Variants in UPP2 observed in about 807,000 individuals in gnomAD.
UPP2 encodes uridine phosphorylase 2, also known as UPase 2.
UPP2 carries 23 observed loss-of-function variants against 26.7 expected under a neutral mutation model. The ratio of observed to expected loss-of-function variants is 0.86; its 90% CI spans 0.62 to 1.22. The LOEUF is 1.22. Among genes scored for constraint, UPP2 ranks in the 50% most tolerant of loss-of-function variants. The pLI, the probability that UPP2 is intolerant of heterozygous loss-of-function variation, is 0.00. For missense variants in UPP2, 387 were observed against 396.7 expected, an observed-to-expected ratio of 0.98 and a Z score of 0.21; for synonymous variants, 127 against 141.3, an observed-to-expected ratio of 0.90 and a Z score of 0.72.
chr2:158,018,557 G>A (rs1339020232), intron 3 of UPP2, among the ~76,000 whole-genome samples: 1 of 152,200 alleles, frequency 6.6e-6, no homozygotes, highest in Non-Finnish European at 1.5e-5. Context: ...TGCAAGGCTG[G>A]AAGGCAGGTG....
intron 3 of UPP2, among the ~76,000 whole-genome samples, chr2:158,051,961 GCTGT>G (rs1682166730): frequency 6.6e-6 from 1 of 152,154 alleles, no homozygotes; most frequent in Non-Finnish European, 1.5e-5. Context: ...GAAATCCAAT[GCTGT>G]CTGTCCTAAC....
intron 3 of UPP2, among the ~76,000 whole-genome samples, chr2:158,033,139 C>T (rs1179948083): frequency 6.6e-6 from 1 of 152,134 alleles, no homozygotes; most frequent in African/African-American, 2.4e-5. Flanking sequence ...AAATTCTGGC[C>T]TGAAGCATAC....
intron 3 of UPP2, among the ~76,000 whole-genome samples, chr2:158,017,903 A>G (rs543642338): frequency 6.6e-6 from 1 of 152,340 alleles, no homozygotes; most frequent in East Asian, 1.9e-4. Context: ...TTAAGCTTAT[A>G]TACTTTGAAA....
intron 3 of UPP2, among the ~76,000 whole-genome samples, chr2:158,058,474 C>A (rs949145137): frequency 7.0e-6 from 1 of 142,120 alleles, no homozygotes; most frequent in Non-Finnish European, 1.5e-5. Flanking sequence ...GAGGAAAGGA[C>A]GTGTGAGGAC....
At chr2:158,121,381 T>C in intron 4 of UPP2, 28 bp from the exon 5 acceptor site, 1 of 1,582,686 alleles carries the variant, frequency 6.3e-7, no homozygotes, top group Non-Finnish European at 8.7e-7. Flanking sequence ...ACGATATTCT[T>C]CTGTAATCAT....
chr2:158,028,569 C>T (rs1415311098), intron 3 of UPP2, among the ~76,000 whole-genome samples: 1 of 152,176 alleles, frequency 6.6e-6, no homozygotes, highest in Admixed American at 6.5e-5. Context: ...CAATCTGTTC[C>T]AACCTCTGCA....
chr2:158,010,622 A>G (rs1485372009), intron 2 of UPP2, among the ~76,000 whole-genome samples: 1 of 152,230 alleles, frequency 6.6e-6, no homozygotes, highest in Non-Finnish European at 1.5e-5. Flanking sequence ...TAAAAGGCCA[A>G]AAACTGGTGA....
chr2:158,007,779 T>C (rs553128436), intron 2 of UPP2, among the ~76,000 whole-genome samples: 1 of 152,050 alleles, frequency 6.6e-6, no homozygotes, highest in South Asian at 2.1e-4. Context: ...CACCACCACA[T>C]CTGGCTAGAG....
At chr2:158,078,466 C>T (rs531718313) in intron 3 of UPP2, among the ~76,000 whole-genome samples, 1 of 152,220 alleles carries the variant, frequency 6.6e-6, no homozygotes, top group African/African-American at 2.4e-5. Flanking sequence ...AGAATAAGAG[C>T]TTGTCATTTG....
chr2:158,062,112 C>T (rs1235850191), intron 3 of UPP2, among the ~76,000 whole-genome samples: 2 of 152,198 alleles, frequency 1.3e-5, no homozygotes, highest in Non-Finnish European at 2.9e-5. Context: ...CAAAGCCAAA[C>T]ATATTTACTT....
rs1682525321 is a variant in UPP2 at position 158,070,715 on chromosome 2, C to T, written c.148-31325C>T. Among the ~76,000 whole-genome samples the T allele has an allele frequency of 2.6e-5, 4 of 152,356 alleles. No individual in the cohort carries two copies. The South Asian group carries it at 8.3e-4, about 32-fold the overall frequency. On this transcript the variant is annotated intron_variant, in intron 3 of 9. Coordinates refer to the UPP2 transcript ENST00000605860. ...ATGCACTGTCATAAGAACCAAAAGT[C>T]AGGTGAGGAGTCACAGTACCTGGAT... is the stretch of plus-strand genomic sequence containing the variant.
At chr2:158,014,797 C>A (rs1574246038) in intron 2 of UPP2, among the ~76,000 whole-genome samples, 1 of 152,318 alleles carries the variant, frequency 6.6e-6, no homozygotes, top group East Asian at 1.9e-4. Flanking sequence ...TAACAAAACA[C>A]CCAAATCATT....
At chr2:158,051,780 C>CAACAAT (rs780958707) in intron 3 of UPP2, among the ~76,000 whole-genome samples, 1,467 of 14,452 alleles carry the variant, frequency 0.1, 28 homozygotes, top group African/African-American at 0.29. Flanking sequence ...GACTCCACCT[C>CAACAAT]AACAACAACA....
At chr2:158,025,201 CAAA>C (rs60557993) in intron 3 of UPP2, among the ~76,000 whole-genome samples, 6 of 78,636 alleles carry the variant, frequency 7.6e-5, no homozygotes, top group Non-Finnish European at 8.0e-5. Flanking sequence ...GACTCCCTCT[CAAA>C]AAAAAAAAAA....
chr2:158,096,866 A>G (rs1461287968), intron 3 of UPP2, among the ~76,000 whole-genome samples: 2 of 152,126 alleles, frequency 1.3e-5, no homozygotes, highest in Non-Finnish European at 2.9e-5. Context: ...TTCAACTTAT[A>G]AAACACTTGA....
At chr2:158,100,509 T>G (rs532854490), upstream of UPP2, among the ~76,000 whole-genome samples, 12 of 152,278 alleles carry the variant, frequency 7.9e-5, no homozygotes, top group African/African-American at 2.9e-4. Flanking sequence ...GCATGGAATA[T>G]CAAATAAAGG....
intron 3 of UPP2, among the ~76,000 whole-genome samples, chr2:158,022,570 A>G (rs13410993): frequency 5.3e-5 from 8 of 152,002 alleles, no homozygotes; most frequent in Admixed American, 2.6e-4. Flanking sequence ...GTCTGAACCC[A>G]CTAAATTGAC....
intron 2 of UPP2, among the ~76,000 whole-genome samples, chr2:157,997,246 AT>A (rs201028639): frequency 5.3e-5 from 8 of 151,128 alleles, no homozygotes; most frequent in Admixed American, 1.3e-4. Context: ...TGGACCTCCT[AT>A]TTTTTTTTAT....
At chr2:158,051,294 A>G (rs1202955765) in intron 3 of UPP2, among the ~76,000 whole-genome samples, 30 of 152,026 alleles carry the variant, frequency 2.0e-4, no homozygotes, top group Admixed American at 2.0e-3. Flanking sequence ...AGCATTTTGC[A>G]TACTTCATAA....
Sources: gnomAD v4.1 joint callset for allele counts (sites outside exome capture counted in the v4.1 genomes callset) on GRCh38, gnomAD v4.1.1 for gene constraint, MANE v1.5 for transcripts, NCBI Gene and HGNC (gene_info 2026-07-23, HGNC 2026-07-21) for gene names.